Variants in MGST2 observed in about 807,000 individuals in gnomAD.
MGST2 encodes glutathione peroxidase MGST2.
In MGST2, 9 loss-of-function variants were observed where a neutral mutation model predicts 16.6. The observed-to-expected ratio is 0.54, with a 90% CI of 0.33 to 0.95. The LOEUF (loss-of-function observed/expected upper bound fraction) is 0.95, where lower values mean the gene tolerates loss of function less well. Among genes scored for constraint, MGST2 ranks in the 40% least tolerant of loss-of-function variants. The pLI, the probability that MGST2 is intolerant of heterozygous loss-of-function variation, is 0.03. For synonymous variants in MGST2, 79 were observed against 68.0 expected (o/e 1.16, Z -0.79); for missense variants, 159 against 175.1 (o/e 0.91, Z 0.52).
At position 139,665,824 on chromosome 4, in the gene MGST2, G is replaced by A; in HGVS notation, c.-196G>A. ...CGGAAGCAACTCCCAGCCCCATAAA[G>A]ATCTGTGACCGGCAGCCCCAGACCT... On this transcript the variant is annotated 5_prime_UTR_variant, in exon 1 of 5. Coordinates refer to ENST00000265498, the MANE Select transcript of MGST2 (RefSeq NM_002413.5). 3.0e-6 allele frequency: 2 copies of A among 658,222 alleles called. No homozygotes were observed. The highest frequency in any genetic ancestry group is 5.5e-6 in the Non-Finnish European group (2 of 362,860). 40.8% of individuals were successfully genotyped at this position (658,222 alleles called of 1,614,324 possible).
At chr4:139,667,787 G>A (rs1187429608) in intron 1 of MGST2, among the ~76,000 whole-genome samples, 9 of 152,112 alleles carry the variant, frequency 5.9e-5, no homozygotes, top group Non-Finnish European at 1.2e-4. Context: ...GAACCTGGGA[G>A]GGGGAGGTTG....
intron 5 of MGST2, chr4:139,730,702 C>T (rs777796661): frequency 1.3e-6 from 2 of 1,577,318 alleles, no homozygotes; most frequent in Non-Finnish European, 8.7e-7. Flanking sequence ...TGCAGGGATT[C>T]CCCATAGAGA....
At position 139,715,641 on chromosome 4, in the gene MGST2, G is replaced by T. The variant is rs1450798008; in HGVS notation, c.*48+11445G>T. ...CTCTTGATGATATGCTAAACAAGGG[G>T]TGCATTATTCATGCCTCCCCTTTTT... On this transcript the variant is annotated intron_variant, in intron 5 of 5. Coordinates refer to the MGST2 transcript ENST00000616265. This position sits in a 1 kb window ranked among gnomAD's most constrained non-coding sequence, Gnocchi z 4.4. Among the ~76,000 whole-genome samples the T allele has an allele frequency of 6.6e-6, 1 of 152,102 alleles. No homozygotes were observed. The highest frequency in any genetic ancestry group is 1.5e-5 in the Non-Finnish European group (1 of 68,016).
intron 5 of MGST2, among the ~76,000 whole-genome samples, chr4:139,713,524 A>G (rs1033928614): frequency 6.6e-6 from 1 of 151,870 alleles, no homozygotes; most frequent in Non-Finnish European, 1.5e-5. Flanking sequence ...GTTGACTGAG[A>G]AGAAAAAACC....
intron 2 of MGST2, 50 bp downstream of exon 2, chr4:139,678,692 C>T: frequency 1.4e-6 from 2 of 1,399,264 alleles, no homozygotes; most frequent in South Asian, 1.2e-5. Flanking sequence ...GCCATACAGA[C>T]ACAATTCCTG....
downstream of MGST2, among the ~76,000 whole-genome samples, chr4:139,705,318 G>A (rs1169177118): frequency 6.6e-6 from 1 of 152,166 alleles, no homozygotes; most frequent in African/African-American, 2.4e-5. Context: ...TAGGTGATTG[G>A]TGGAAAGAAA....
At chr4:139,725,958 CAT>C (rs1728457219) in intron 5 of MGST2, 2 of 748,474 alleles carry the variant, frequency 2.7e-6, no homozygotes, top group Admixed American at 2.2e-5. Flanking sequence ...GTTGAAGAAT[CAT>C]ATGCATACAG....
intron 5 of MGST2, chr4:139,716,743 A>G (rs1321164339): frequency 6.6e-6 from 1 of 152,470 alleles, no homozygotes. Flanking sequence ...AAAATAAACT[A>G]TACTTTGGAT....
chr4:139,681,368 TTC>T (rs1299424649), intron 2 of MGST2, among the ~76,000 whole-genome samples: 1 of 152,124 alleles, frequency 6.6e-6, no homozygotes, highest in Non-Finnish European at 1.5e-5. Context: ...CTCCTTCATT[TTC>T]TCTGTTCTTT....
At chr4:139,743,262 G>A (rs1729220300), downstream of MGST2, among the ~76,000 whole-genome samples, 1 of 152,208 alleles carries the variant, frequency 6.6e-6, no homozygotes, top group Non-Finnish European at 1.5e-5. Context: ...AGAACAGGAG[G>A]GGCAGGGTGA....
intron 5 of MGST2, among the ~76,000 whole-genome samples, chr4:139,729,605 C>T (rs1415971378): frequency 6.6e-6 from 1 of 152,192 alleles, no homozygotes; most frequent in African/African-American, 2.4e-5. Flanking sequence ...ATTCTCTGTG[C>T]AGACCCTCAC....
At chr4:139,680,765 A>G (rs1731200687) in intron 2 of MGST2, among the ~76,000 whole-genome samples, 1 of 152,200 alleles carries the variant, frequency 6.6e-6, no homozygotes, top group Non-Finnish European at 1.5e-5. Flanking sequence ...TTTCTGTATT[A>G]GAAATCCTTA....
At chr4:139,723,367 A>G (rs1192016057) in intron 5 of MGST2, among the ~76,000 whole-genome samples, 2 of 152,068 alleles carry the variant, frequency 1.3e-5, no homozygotes, top group Non-Finnish European at 2.9e-5. Context: ...CTGGAGTGCA[A>G]TGGCACGATC....
chr4:139,677,750 G>A (rs1290087264), intron 1 of MGST2, among the ~76,000 whole-genome samples: 1 of 152,100 alleles, frequency 6.6e-6, no homozygotes, highest in African/African-American at 2.4e-5. Flanking sequence ...TAATCCACCC[G>A]TCTCAGCCTC....
Position 139,715,718 on chromosome 4 carries a change from T to C in MGST2, c.*48+11522T>C, listed in dbSNP as rs910016622. On this transcript the variant is annotated intron_variant, in intron 5 of 5. Transcript: ENST00000616265. The surrounding 1 kb of genome is among the most constrained non-coding windows in gnomAD (Gnocchi z 4.4). ...TTGCCATGGCATTTGTAAACTGTCA[T>C]GGCACTGGTGGGAGTGTGGCAGTGA... Among the ~76,000 whole-genome samples the C allele has an allele frequency of 2.0e-5, 3 of 152,174 alleles. No homozygotes were observed. The highest frequency in any genetic ancestry group is 2.9e-5 in the Non-Finnish European group (2 of 68,032).
At chr4:139,730,589 A>G (rs1728664352) in intron 5 of MGST2, 1 of 1,609,572 alleles carries the variant, frequency 6.2e-7, no homozygotes, top group Non-Finnish European at 8.5e-7. Flanking sequence ...CTGGCTCCTG[A>G]GACCATGCCA....
intron 5 of MGST2, among the ~76,000 whole-genome samples, chr4:139,725,535 C>G (rs1405053039): frequency 6.6e-6 from 1 of 152,212 alleles, no homozygotes; most frequent in Admixed American, 6.5e-5. Flanking sequence ...TCTAGAACCT[C>G]TCTGTGACTC....
chr4:139,719,867 T>G, intron 5 of MGST2: 2 of 1,613,914 alleles, frequency 1.2e-6, no homozygotes, highest in Non-Finnish European at 1.7e-6. Flanking sequence ...TTGTGCTCCT[T>G]GCTGGACTGT....
chr4:139,753,651 A>G, the MGST2 span, among the ~76,000 whole-genome samples: 3 of 152,216 alleles, frequency 2.0e-5, no homozygotes. Flanking sequence ...CCTTCCCTAC[A>G]TACATCCCTG....
Sources: allele counts gnomAD v4.1 joint callset (sites outside exome capture counted in the v4.1 genomes callset), GRCh38; gene constraint gnomAD v4.1.1; non-coding constraint Gnocchi (gnomAD v3.1); transcripts MANE v1.5; gene names NCBI Gene and HGNC (gene_info 2026-07-23, HGNC 2026-07-21).